EMC1: variants seen among roughly 807,000 people sequenced by gnomAD.
EMC1 encodes the protein KIAA0090.
Under a neutral mutation model 128.8 loss-of-function variants are expected in EMC1, and 103 were observed. That is an observed-to-expected ratio of 0.80 (90% confidence interval 0.68 to 0.94). The LOEUF (loss-of-function observed/expected upper bound fraction) is 0.94, where lower values mean the gene tolerates loss of function less well. EMC1 is among the 40% of genes least tolerant of loss of function. The pLI, the probability that EMC1 is intolerant of heterozygous loss-of-function variation, is 0.00. For missense variants in EMC1, 1,083 were observed against 1,250.6 expected (o/e 0.87, Z 2.02); for synonymous variants, 442 against 490.4 (o/e 0.90, Z 1.30).
intron 1 of EMC1, among the ~76,000 whole-genome samples, chr1:19,245,853 C>T (rs991900580): frequency 6.6e-6 from 1 of 151,754 alleles, no homozygotes; most frequent in African/African-American, 2.4e-5. Flanking sequence ...TCTCGAACTC[C>T]TGACCTCAAC....
At chr1:19,226,695 AC>A (rs2093476313) in intron 18 of EMC1, among the ~76,000 whole-genome samples, 2 of 150,478 alleles carry the variant, frequency 1.3e-5, no homozygotes, top group South Asian at 4.2e-4. Flanking sequence ...AGCTGAGACC[AC>A]AGGCATGCAC....
intron 18 of EMC1, among the ~76,000 whole-genome samples, chr1:19,226,613 G>A (rs1037669686): frequency 2.0e-5 from 3 of 151,872 alleles, no homozygotes; most frequent in South Asian, 2.1e-4. Flanking sequence ...GGAGTGCAGC[G>A]GCACAATTGC....
chr1:19,239,894 AG>A lies in EMC1; in HGVS notation c.877del (p.Leu293CysfsTer18), dbSNP rs767324448. The A allele has an allele frequency of 3.7e-6, 6 of 1,614,192 alleles. No homozygotes were observed. Among genetic ancestry groups the A allele is most frequent in the Non-Finnish European group, 4.2e-6 (5 of 1,180,016 alleles). On this transcript the variant is annotated frameshift_variant, in exon 8 of 23. Coordinates refer to ENST00000477853, the MANE Select transcript of EMC1 (RefSeq NM_015047.3). LOFTEE classifies it high-confidence loss of function. ...AGCATAGTGGCTTGGGGACAAGTGC[AG>A]GAAGAACTGGGCCCGGGAAGCGTCC... is the stretch of plus-strand genomic sequence containing the variant. ...PVDASRAQFF[L>X]HLSPSHYALL...
At chr1:19,242,580 T>C in intron 4 of EMC1, 107 bp from the exon 5 acceptor site, 1 of 1,272,582 alleles carries the variant, frequency 7.9e-7, no homozygotes, top group South Asian at 1.4e-5. Context: ...GAAAACAGGC[T>C]TTGGGGTCAA....
intron 9 of EMC1, 110 bp downstream of exon 9, chr1:19,239,121 G>T: frequency 2.0e-6 from 2 of 1,023,346 alleles, no homozygotes; most frequent in Non-Finnish European, 3.0e-6. Context: ...CCTCCTGCCC[G>T]CTGGGTTCAA....
chr1:19,241,584 G>A (rs1197941365), intron 5 of EMC1, among the ~76,000 whole-genome samples: 3 of 151,866 alleles, frequency 2.0e-5, no homozygotes, highest in African/African-American at 4.8e-5. Flanking sequence ...GTGCGATCAC[G>A]GCTCACTGCA....
Position 19,243,727 on chromosome 1 carries a change from G to A in EMC1, c.287-20C>T. 1 of 1,612,294 alleles carries A rather than the reference G, an allele frequency of 6.2e-7. No individual in the cohort carries two copies. Among genetic ancestry groups the A allele is most frequent in the Non-Finnish European group, 8.5e-7 (1 of 1,178,322 alleles). On this transcript the variant is annotated intron_variant, in intron 3 of 22. Coordinates refer to ENST00000477853, the MANE Select transcript of EMC1 (RefSeq NM_015047.3). ...TCACATCTGGAAAAGAAAAGATCGT[G>A]GTGAAGTCATTTCCCACTTGCTCTG... is the stretch of plus-strand genomic sequence containing the variant.
At chr1:19,240,870 G>A (rs2093601542) in intron 6 of EMC1, 146 bp downstream of exon 6, 1 of 905,428 alleles carries the variant, frequency 1.1e-6, no homozygotes, top group African/African-American at 1.7e-5. Flanking sequence ...GGCCTAATGG[G>A]AAGGCAGCTG....
Position 19,217,131 on chromosome 1 carries a change from T to C in EMC1, c.*2172A>G, listed in dbSNP as rs540608114. 11 of 149,744 alleles carry C rather than the reference T, an allele frequency of 7.3e-5. No individual in the cohort carries two copies. Among genetic ancestry groups the C allele is most frequent in the Admixed American group, 6.6e-4 (10 of 15,112 alleles). The allele number at this position is 149,744 out of a possible 1,614,324, so 9.3% of individuals were successfully genotyped here. A position where few individuals can be genotyped will look rare whatever the true frequency, so the allele number is the denominator to read the frequency against. Reference sequence around the variant, plus strand: ...GATCAGAGAATTGAGAGAGGAAACATAGTCTCAGCAGCCATTAGTGGAGAC... The same window carrying C: ...GATCAGAGAATTGAGAGAGGAAACACAGTCTCAGCAGCCATTAGTGGAGAC... On this transcript the variant is annotated 3_prime_UTR_variant, in exon 23 of 23. Transcript: ENST00000477853.
At chr1:19,223,922 G>A (rs2093451234) in intron 18 of EMC1, among the ~76,000 whole-genome samples, 1 of 152,116 alleles carries the variant, frequency 6.6e-6, no homozygotes, top group African/African-American at 2.4e-5. Flanking sequence ...ATTGACCTAG[G>A]GACAAATGCT....
Position 19,251,401 on chromosome 1 carries a change from C to T in EMC1, c.95+14G>A. On this transcript the variant is annotated intron_variant, in intron 1 of 22. Coordinates refer to ENST00000477853, the MANE Select transcript of EMC1 (RefSeq NM_015047.3). ...CAGCCACTTATCTCTCGAATATGTT[C>T]CACACGTACGCACCAATCAAACTTG... 1 of 1,611,750 alleles carries T rather than the reference C, an allele frequency of 6.2e-7. No homozygotes were observed. The highest frequency in any genetic ancestry group is 8.5e-7 in the Non-Finnish European group (1 of 1,177,838).
chr1:19,243,378 A>G (rs2093616808), intron 4 of EMC1, among the ~76,000 whole-genome samples: 1 of 152,210 alleles, frequency 6.6e-6, no homozygotes, highest in African/African-American at 2.4e-5. Context: ...ATCACAGTGA[A>G]ATTAGGAACA....
rs143844987 is a variant in EMC1 at position 19,249,862 on chromosome 1, T to A, written c.95+1553A>T. On this transcript the variant is annotated intron_variant, in intron 1 of 22. Coordinates refer to ENST00000477853, the MANE Select transcript of EMC1 (RefSeq NM_015047.3). ...TGAACCTGCAAGGTCAAAGCTGCAG[T>A]GAGCCATGATAGTACTGTACTCCAG... is the stretch of plus-strand genomic sequence containing the variant. Among the ~76,000 whole-genome samples the A allele has an allele frequency of 3.3e-3, 501 of 152,146 alleles. 2 individuals are homozygous for A. Among genetic ancestry groups the A allele is most frequent in the African/African-American group, 0.012 (483 of 41,496 alleles).
At chr1:19,244,142 T>G (rs1340840076) in intron 2 of EMC1, 127 bp from the exon 3 acceptor site, 9 of 860,008 alleles carry the variant, frequency 1.0e-5, no homozygotes, top group Non-Finnish European at 1.5e-5. Flanking sequence ...TGAAGGAGTA[T>G]AGCTAACTGG....
rs1288216251 is a variant in EMC1, at chr1:19,230,891, A to G, written c.2017T>C (p.Leu673=). The G allele has an allele frequency of 6.2e-7, 1 of 1,614,186 alleles. No homozygotes were observed. The highest frequency in any genetic ancestry group is 1.1e-5 in the South Asian group (1 of 91,078). Residue 673 remains leucine (L), a synonymous_variant, in exon 17 of 23, where the codon TTG becomes CTG. Coordinates refer to ENST00000477853, the MANE Select transcript of EMC1 (RefSeq NM_015047.3). ...HELAPSIFFY[L]VDAEQGRLCG... ...AGCCGTCCCTGCTCTGCATCCACCA[A>G]ATAGAAGAAGATGGAAGGGGCAAGC...
intron 17 of EMC1, 150 bp downstream of exon 17, chr1:19,230,694 T>C (rs1333245075): frequency 9.1e-7 from 1 of 1,100,436 alleles, no homozygotes; most frequent in Non-Finnish European, 1.3e-6. Flanking sequence ...CCAACAAATA[T>C]GAACAAATGA....
intron 13 of EMC1, 71 bp from the exon 14 acceptor site, chr1:19,233,206 A>C (rs888842303): frequency 7.5e-7 from 1 of 1,339,762 alleles, no homozygotes; most frequent in Non-Finnish European, 1.0e-6. Flanking sequence ...GATTTTCCTA[A>C]TGAGGGATCT....
chr1:19,235,904 A>G (rs1354146825), intron 12 of EMC1, among the ~76,000 whole-genome samples: 1 of 151,968 alleles, frequency 6.6e-6, no homozygotes, highest in African/African-American at 2.4e-5. Flanking sequence ...AAATAAATAA[A>G]TAAATAAACA....
chr1:19,224,766 G>A (rs1375492235), intron 18 of EMC1, among the ~76,000 whole-genome samples: 2 of 152,218 alleles, frequency 1.3e-5, no homozygotes, highest in African/African-American at 4.8e-5. Flanking sequence ...CCAAAGTGAA[G>A]GCCACGGTGG....
Sources: gnomAD v4.1 joint callset for allele counts (sites outside exome capture counted in the v4.1 genomes callset) on GRCh38, gnomAD v4.1.1 for gene constraint, MANE v1.5 for transcripts, NCBI Gene and HGNC (gene_info 2026-07-23, HGNC 2026-07-21) for gene names.